Variants in CACNA2D3 observed in about 807,000 individuals in gnomAD.
CACNA2D3 encodes voltage-dependent calcium channel subunit alpha-2/delta-3.
A neutral mutation model predicts 160.6 loss-of-function variants in CACNA2D3; 60 were observed. That is an observed-to-expected ratio of 0.37 (90% CI 0.30 to 0.46). The LOEUF (loss-of-function observed/expected upper bound fraction) is 0.46, where lower values mean the gene tolerates loss of function less well. Among genes scored for constraint, CACNA2D3 ranks in the 20% least tolerant of loss-of-function variants. The pLI, the probability that CACNA2D3 is intolerant of heterozygous loss-of-function variation, is 1.00. For synonymous variants in CACNA2D3, 558 were observed against 492.9 expected, an observed-to-expected ratio of 1.13 and a Z score of -1.75; for missense variants, 1,205 against 1,365.0, an observed-to-expected ratio of 0.88 and a Z score of 1.85.
intron 27 of CACNA2D3, among the ~76,000 whole-genome samples, chr3:54,965,027 T>C (rs944714056): frequency 3.3e-4 from 50 of 152,250 alleles, no homozygotes; most frequent in African/African-American, 1.1e-3. Flanking sequence ...CTAAAGACCT[T>C]CAATGGCACC....
intron 2 of CACNA2D3, among the ~76,000 whole-genome samples, chr3:54,176,418 C>T (rs1264548162): frequency 6.6e-6 from 1 of 152,176 alleles, no homozygotes; most frequent in African/African-American, 2.4e-5. Flanking sequence ...TTTTGTGTGG[C>T]AGCAATTCCT....
intron 2 of CACNA2D3, among the ~76,000 whole-genome samples, chr3:54,252,507 C>T (rs1024760846): frequency 2.0e-5 from 3 of 152,148 alleles, no homozygotes; most frequent in African/African-American, 7.2e-5. Context: ...AAGACTTCAA[C>T]TGGCCAGTGA....
chr3:54,217,939 TAGAG>T (rs547476965), intron 2 of CACNA2D3, among the ~76,000 whole-genome samples: 1 of 147,456 alleles, frequency 6.8e-6, no homozygotes, highest in Non-Finnish European at 1.5e-5. Flanking sequence ...GTTAGAGAGG[TAGAG>T]AGAGAGGTGT....
At chr3:54,667,844 G>A (rs1700093734) in intron 11 of CACNA2D3, among the ~76,000 whole-genome samples, 1 of 151,944 alleles carries the variant, frequency 6.6e-6, no homozygotes, top group Admixed American at 6.6e-5. Context: ...CTACTTGAGA[G>A]GCTAAAGCAG....
Position 54,845,955 on chromosome 3 carries a change from G to A in CACNA2D3, c.1552-438G>A, listed in dbSNP as rs376684294. ...CCAATTTGAGATGGCCCCTGTGGGC[G>A]TGGAATTATACGAAGTCTAGAAGTG... is the stretch of plus-strand genomic sequence containing the variant. On this transcript the variant is annotated intron_variant, in intron 16 of 37. Coordinates refer to ENST00000474759, the MANE Select transcript of CACNA2D3 (RefSeq NM_018398.3). Among the ~76,000 whole-genome samples the A allele has an allele frequency of 8.5e-4, 130 of 152,302 alleles. 1 individual carries two copies. Among genetic ancestry groups the A allele is most frequent in the African/African-American group, 2.9e-3 (120 of 41,568 alleles).
At chr3:54,418,551 T>G (rs1002128401) in intron 4 of CACNA2D3, among the ~76,000 whole-genome samples, 1 of 152,264 alleles carries the variant, frequency 6.6e-6, no homozygotes, top group African/African-American at 2.4e-5. Context: ...AGATGATTCC[T>G]TATGTCTGCC....
At chr3:54,497,458 A>G (rs76980918) in intron 4 of CACNA2D3, among the ~76,000 whole-genome samples, 3,111 of 152,088 alleles carry the variant, frequency 0.02, 85 homozygotes, top group East Asian at 0.11. Flanking sequence ...GATTTTGTGT[A>G]TTTATTTTGT....
At chr3:54,971,774 G>A (rs1377697415) in intron 29 of CACNA2D3, among the ~76,000 whole-genome samples, 1 of 152,052 alleles carries the variant, frequency 6.6e-6, no homozygotes, top group Non-Finnish European at 1.5e-5. Context: ...GTGGTTAAAG[G>A]CAAAACTATT....
intron 4 of CACNA2D3, among the ~76,000 whole-genome samples, chr3:54,427,684 A>G (rs1426699870): frequency 1.3e-5 from 2 of 152,200 alleles, no homozygotes; most frequent in Admixed American, 6.5e-5. Context: ...CTAGTCTAGT[A>G]AGCATAACTC....
chr3:54,822,824 TTTCTTTCTTTTCTTTCTTTC>T lies in CACNA2D3; in HGVS notation c.1398+5957_1398+5976del, dbSNP rs1559595811. On this transcript the variant is annotated intron_variant, in intron 14 of 37. Coordinates refer to ENST00000474759, the MANE Select transcript of CACNA2D3 (RefSeq NM_018398.3). ...CTTTCTTTCTTTCTTTCTTTCTTTCTTTCTTTCTTTTCTTTCTTTCTTTCTTTCTTTCTTTCTTTTTAAAT... is the reference window on the plus strand; with the variant it reads ...CTTTCTTTCTTTCTTTCTTTCTTTCTTTTCTTTCTTTCTTTCTTTTTAAAT... Among the ~76,000 whole-genome samples, 35 of 84,826 alleles carry T rather than the reference TTTCTTTCTTTTCTTTCTTTC, an allele frequency of 4.1e-4. 1 individual carries two copies. Among genetic ancestry groups the T allele is most frequent in the African/African-American group, 1.7e-3 (29 of 16,688 alleles). The allele number at this position is 84,826 out of a possible 152,430, so 55.6% of individuals were successfully genotyped here. A position where few individuals can be genotyped will look rare whatever the true frequency, so the allele number is the denominator to read the frequency against.
intron 17 of CACNA2D3, among the ~76,000 whole-genome samples, chr3:54,851,051 C>T (rs533881206): frequency 3.0e-4 from 45 of 152,200 alleles, no homozygotes; most frequent in Non-Finnish European, 5.6e-4. Context: ...GGATACGATA[C>T]GTGTATCAGT....
intron 17 of CACNA2D3, among the ~76,000 whole-genome samples, chr3:54,863,087 A>G (rs78455531): frequency 0.013 from 1,995 of 152,260 alleles, 41 homozygotes; most frequent in African/African-American, 0.045. Flanking sequence ...TTTACCCTGG[A>G]TGTTCTAATG....
intron 11 of CACNA2D3, among the ~76,000 whole-genome samples, chr3:54,715,055 C>T (rs1425753534): frequency 6.6e-6 from 1 of 152,116 alleles, no homozygotes; most frequent in Non-Finnish European, 1.5e-5. Flanking sequence ...CACTATCTAC[C>T]TGGAGACAGG....
intron 27 of CACNA2D3, among the ~76,000 whole-genome samples, chr3:54,946,721 C>T (rs1321384858): frequency 6.6e-6 from 1 of 151,924 alleles, no homozygotes; most frequent in Non-Finnish European, 1.5e-5. Flanking sequence ...CTCACTTCTC[C>T]ACTGGATGCA....
chr3:54,820,411 A>G (rs1703564718), intron 14 of CACNA2D3, among the ~76,000 whole-genome samples: 1 of 152,140 alleles, frequency 6.6e-6, no homozygotes, highest in Non-Finnish European at 1.5e-5. Flanking sequence ...GTCCTTTATG[A>G]CAATGTTTTA....
At chr3:54,149,898 T>A (rs1700107297) in intron 2 of CACNA2D3, among the ~76,000 whole-genome samples, 1 of 70,808 alleles carries the variant, frequency 1.4e-5, no homozygotes, top group Non-Finnish European at 2.9e-5. Context: ...TCTCTCTCTC[T>A]CTCTCTCTCT....
chr3:54,361,311 G>C (rs967363082), intron 3 of CACNA2D3, among the ~76,000 whole-genome samples: 2 of 152,014 alleles, frequency 1.3e-5, no homozygotes, highest in Non-Finnish European at 2.9e-5. Context: ...TCATGCCCAG[G>C]TCAAACAAAG....
At chr3:54,848,047 T>A (rs1698973178) in intron 17 of CACNA2D3, among the ~76,000 whole-genome samples, 1 of 152,226 alleles carries the variant, frequency 6.6e-6, no homozygotes, top group Non-Finnish European at 1.5e-5. Flanking sequence ...CAAGGTAGCA[T>A]CTTTCTCTCT....
At chr3:54,148,974 C>T (rs1296089593) in intron 2 of CACNA2D3, among the ~76,000 whole-genome samples, 1 of 116,590 alleles carries the variant, frequency 8.6e-6, no homozygotes. Flanking sequence ...AAAACTCCAT[C>T]AAAAAAAAAA....
Sources: allele counts gnomAD v4.1 joint callset (sites outside exome capture counted in the v4.1 genomes callset), GRCh38; gene constraint gnomAD v4.1.1; transcripts MANE v1.5; gene names NCBI Gene and HGNC (gene_info 2026-07-23, HGNC 2026-07-21).